PRPF18: variants seen among roughly 807,000 people sequenced by gnomAD.
The protein encoded by PRPF18 is pre-mRNA processing factor 18.
A neutral mutation model predicts 46.5 loss-of-function variants in PRPF18; 38 were observed. That is an observed-to-expected ratio of 0.82 (90% confidence interval 0.63 to 1.07). The LOEUF (loss-of-function observed/expected upper bound fraction) is 1.07. PRPF18 is among the 50% of genes least tolerant of loss of function. The pLI is 0.00. For missense variants in PRPF18, 263 were observed against 410.0 expected (o/e 0.64, Z 3.10); for synonymous variants, 152 against 146.7 (o/e 1.04, Z -0.26).
the PRPF18 span, chr10:13,651,776 G>GTATC: frequency 1.5e-6 from 1 of 661,706 alleles, no homozygotes. Context: ...AGTTCCCCAT[G>GTATC]TATCTAGAAA....
chr10:13,644,505 T>C, the PRPF18 span: 1 of 152,234 alleles, frequency 6.6e-6, no homozygotes, highest in Non-Finnish European at 1.5e-5. Flanking sequence ...GGAACTGTAA[T>C]TCCTGCTCTC....
chr10:13,652,180 G>T, the PRPF18 span: 1 of 592,258 alleles, frequency 1.7e-6, no homozygotes, highest in Admixed American at 2.9e-5. Flanking sequence ...TAGGAGGGAC[G>T]GGCCCTCTTT....
At chr10:13,625,161 C>G (rs1473414598) in intron 9 of PRPF18, among the ~76,000 whole-genome samples, 1 of 151,940 alleles carries the variant, frequency 6.6e-6, no homozygotes, top group Non-Finnish European at 1.5e-5. Context: ...TAGATCCCTT[C>G]TCTACAAAAA....
downstream of PRPF18, among the ~76,000 whole-genome samples, chr10:13,633,514 GA>G (rs1315017222): frequency 3.9e-5 from 6 of 152,310 alleles, no homozygotes; most frequent in African/African-American, 1.4e-4. Flanking sequence ...TGATAGATTT[GA>G]ATTTGGGGAT....
chr10:13,651,822 G>A, the PRPF18 span: 3 of 782,340 alleles, frequency 3.8e-6, no homozygotes, highest in Admixed American at 1.7e-5. Context: ...GTATCCTTGT[G>A]GAAATGATGA....
intron 1 of PRPF18, among the ~76,000 whole-genome samples, chr10:13,590,802 C>G (rs1168105711): frequency 6.6e-6 from 1 of 152,000 alleles, no homozygotes; most frequent in East Asian, 1.9e-4. Context: ...AGAGATAGAG[C>G]CTGGATTTGA....
chr10:13,655,146 G>C, the PRPF18 span: 1 of 152,260 alleles, frequency 6.6e-6, no homozygotes, highest in South Asian at 2.1e-4. Context: ...GAAAGATTTA[G>C]TAGGAAGTCA....
At position 13,587,007 on chromosome 10, in the gene PRPF18, T is replaced by G; in HGVS notation, c.-80T>G. 1 of 1,423,234 alleles carries G rather than the reference T, an allele frequency of 7.0e-7. No homozygotes were observed. Among genetic ancestry groups the G allele is most frequent in the South Asian group, 1.1e-5 (1 of 87,180 alleles). 88.2% of individuals were successfully genotyped at this position (1,423,234 alleles called of 1,614,324 possible). A position where few individuals can be genotyped will look rare whatever the true frequency, so the allele number is the denominator to read the frequency against. ...TGGGCTTGTTGTTCCGTATACTCAGTGGGTTCGCGGCCGCCGGCCCAGTGA... is the reference window on the plus strand; with the variant it reads ...TGGGCTTGTTGTTCCGTATACTCAGGGGGTTCGCGGCCGCCGGCCCAGTGA... On this transcript the variant is annotated 5_prime_UTR_variant, in exon 1 of 10. Transcript: ENST00000378572.
chr10:13,609,460 C>T (rs1443142158), intron 4 of PRPF18, among the ~76,000 whole-genome samples: 1 of 152,206 alleles, frequency 6.6e-6, no homozygotes, highest in Non-Finnish European at 1.5e-5. Flanking sequence ...TTCCTTGGCT[C>T]TTAAACCTTG....
At chr10:13,629,891 A>T (rs571069162) in intron 9 of PRPF18, among the ~76,000 whole-genome samples, 3 of 152,210 alleles carry the variant, frequency 2.0e-5, no homozygotes, top group Non-Finnish European at 4.4e-5. Context: ...TTGGAGCTTA[A>T]TTCTCTATTG....
At chr10:13,645,057 C>T in the PRPF18 span, 3 of 152,022 alleles carry the variant, frequency 2.0e-5, no homozygotes, top group Non-Finnish European at 4.4e-5. Flanking sequence ...CGCCTTGTCC[C>T]TGCCGGGTCC....
chr10:13,649,689 TATTCTCAAGTCTG>T, the PRPF18 span: 2 of 152,258 alleles, frequency 1.3e-5, no homozygotes, highest in Admixed American at 1.3e-4. Context: ...ATTGGTCTTT[TATTCTCAAGTCTG>T]GGGAAGAGAC....
Position 13,613,748 on chromosome 10 carries a change from T to C in PRPF18, c.587T>C (p.Leu196Pro). ...TACCCATCCTTTCAACAGTTTCTTC[T>C]TGGCGTTTGGGCTAAAGAATTGAAT... ...DIITKFLKFL[L>P]GVWAKELNAR... The change falls in exon 7 of 10, where the codon CTT (leucine) becomes CCT (proline). Residue 196 changes from leucine to proline, a missense_variant. Transcript: ENST00000378572. 1.2e-6 allele frequency: 2 copies of C among 1,612,150 alleles called. No homozygotes were observed. The highest frequency in any genetic ancestry group is 4.5e-5 in the East Asian group (2 of 44,872).
chr10:13,601,658 G>A (rs1371393400), intron 3 of PRPF18, among the ~76,000 whole-genome samples: 1 of 152,120 alleles, frequency 6.6e-6, no homozygotes, highest in Non-Finnish European at 1.5e-5. Context: ...ATGTTGGGGG[G>A]TGTGTGTGTA....
intron 1 of PRPF18, 88 bp from the exon 2 acceptor site, chr10:13,597,370 C>T (rs1365777917): frequency 1.1e-6 from 1 of 896,206 alleles, no homozygotes; most frequent in Non-Finnish European, 1.6e-6. Context: ...AAGAGTGTTT[C>T]CAAAGTTTTC....
the PRPF18 span, among the ~76,000 whole-genome samples, chr10:13,650,244 A>G: frequency 1.3e-5 from 2 of 152,152 alleles, no homozygotes; most frequent in African/African-American, 4.8e-5. Flanking sequence ...AACTTACAGA[A>G]CCAACTGGTG....
At chr10:13,605,548 C>G in intron 3 of PRPF18, 83 bp from the exon 4 acceptor site, 1 of 1,386,280 alleles carries the variant, frequency 7.2e-7, no homozygotes. Context: ...CACCACTGCA[C>G]TCCAGCCTGG....
Position 13,613,075 on chromosome 10 carries a change from G to T in PRPF18, c.580-666G>T, listed in dbSNP as rs184370642. Among the ~76,000 whole-genome samples, 11 of 152,310 alleles carry T rather than the reference G, an allele frequency of 7.2e-5. No homozygotes were observed. The East Asian group carries it at 2.1e-3, about 29-fold the overall frequency. On this transcript the variant is annotated intron_variant, in intron 6 of 9. Coordinates refer to ENST00000378572, the MANE Select transcript of PRPF18 (RefSeq NM_003675.4). The stretch of plus-strand genomic sequence containing the variant: ...CAGCATGGAAGTAGATAGGGCATAA[G>T]AATTAGTATGAACTAGAATTTCCTC...
chr10:13,610,829 C>T (rs1168723928), intron 5 of PRPF18, among the ~76,000 whole-genome samples: 7 of 152,320 alleles, frequency 4.6e-5, no homozygotes, highest in South Asian at 4.1e-4. Flanking sequence ...TCCTAGTCTA[C>T]ACCCAGCAGT....
Sources: gnomAD v4.1 joint callset for allele counts (sites outside exome capture counted in the v4.1 genomes callset) on GRCh38, gnomAD v4.1.1 for gene constraint, MANE v1.5 for transcripts, NCBI Gene and HGNC (gene_info 2026-07-23, HGNC 2026-07-21) for gene names.